The following TULP3 variants were observed in gnomAD, a reference collection of about 807,000 sequenced individuals.
The protein encoded by TULP3 is tubby-related protein 3.
Under a neutral mutation model 50.7 loss-of-function variants are expected in TULP3, and 38 were observed. The ratio of observed to expected loss-of-function variants is 0.75; its 90% confidence interval spans 0.58 to 0.98. The LOEUF (loss-of-function observed/expected upper bound fraction) is 0.98, where lower values mean the gene tolerates loss of function less well. TULP3 is among the 50% of genes least tolerant of loss of function. The pLI is 0.00. For missense variants in TULP3, 550 were observed against 568.0 expected, an observed-to-expected ratio of 0.97 and a Z score of 0.32; for synonymous variants, 183 against 196.6, an observed-to-expected ratio of 0.93 and a Z score of 0.58.
rs2098171381 is a variant in TULP3 at position 2,890,913 on chromosome 12, G to C, written c.-35G>C. On this transcript the variant is annotated 5_prime_UTR_variant, in exon 1 of 11. Transcript: ENST00000448120. ...GCCACTCTAGCGACGGCGGGGAAGA[G>C]TGTGTACGTGGTGGGGGCTTCCTCG... 1.3e-6 allele frequency: 2 copies of C among 1,578,166 alleles called. No individual in the cohort carries two copies. Among genetic ancestry groups the C allele is most frequent in the Non-Finnish European group, 8.6e-7 (1 of 1,162,694 alleles).
chr12:2,903,520 C>CCACTG (rs1306327092), intron 1 of TULP3, among the ~76,000 whole-genome samples: 4 of 151,096 alleles, frequency 2.6e-5, no homozygotes, highest in Admixed American at 1.3e-4. Context: ...CAAGATCACG[C>CCACTG]CACTGCACTG....
chr12:2,899,609 G>A (rs907836420), intron 1 of TULP3, among the ~76,000 whole-genome samples: 8 of 151,158 alleles, frequency 5.3e-5, no homozygotes, highest in Non-Finnish European at 1.2e-4. Context: ...ACTTGGAGGC[G>A]GGGGCCGGGC....
intron 4 of TULP3, among the ~76,000 whole-genome samples, chr12:2,924,904 G>A (rs1362564640): frequency 1.3e-5 from 2 of 151,988 alleles, no homozygotes; most frequent in Non-Finnish European, 2.9e-5. Flanking sequence ...AGGGCTGGGC[G>A]CTATGGCTTA....
chr12:2,911,306 A>G (rs976806215), intron 2 of TULP3, among the ~76,000 whole-genome samples: 3 of 151,888 alleles, frequency 2.0e-5, no homozygotes, highest in African/African-American at 7.2e-5. Context: ...TCAGTTCTTT[A>G]TCAGTGGCTA....
intron 2 of TULP3, among the ~76,000 whole-genome samples, chr12:2,915,840 G>T (rs766200436): frequency 6.6e-6 from 1 of 151,626 alleles, no homozygotes; most frequent in Non-Finnish European, 1.5e-5. Context: ...CACCGTGCCC[G>T]GCCGAGATTT....
intron 2 of TULP3, among the ~76,000 whole-genome samples, chr12:2,920,516 GAAAA>G (rs992653397): frequency 6.8e-6 from 1 of 146,412 alleles, no homozygotes; most frequent in East Asian, 2.0e-4. Context: ...TCAAAAAAAA[GAAAA>G]AAAAAAGCAT....
intron 1 of TULP3, among the ~76,000 whole-genome samples, chr12:2,898,195 T>A (rs1056868309): frequency 1.3e-5 from 2 of 152,122 alleles, no homozygotes; most frequent in East Asian, 3.8e-4. Flanking sequence ...GTCCTCACTT[T>A]GTAAATTAGG....
At chr12:2,904,772 C>G (rs1028835497) in intron 1 of TULP3, among the ~76,000 whole-genome samples, 8 of 151,964 alleles carry the variant, frequency 5.3e-5, no homozygotes, top group Non-Finnish European at 1.2e-4. Flanking sequence ...GTTAGGCTTA[C>G]TATTCAATAA....
At chr12:2,909,778 T>C (rs2098184404) in intron 2 of TULP3, among the ~76,000 whole-genome samples, 198 bp downstream of exon 2, 1 of 152,172 alleles carries the variant, frequency 6.6e-6, no homozygotes, top group African/African-American at 2.4e-5. Flanking sequence ...CAAAGTGCTT[T>C]GAGGATGTCA....
chr12:2,915,015 G>T (rs539019401), intron 2 of TULP3, among the ~76,000 whole-genome samples: 1 of 151,826 alleles, frequency 6.6e-6, no homozygotes, highest in Non-Finnish European at 1.5e-5. Context: ...TGAGACAAGA[G>T]TGTAGCCCTG....
At chr12:2,935,808 A>C (rs1405476597) in intron 8 of TULP3, among the ~76,000 whole-genome samples, 1 of 151,864 alleles carries the variant, frequency 6.6e-6, no homozygotes, top group Non-Finnish European at 1.5e-5. Context: ...ATCTCTACTA[A>C]AAATACAAAA....
intron 4 of TULP3, among the ~76,000 whole-genome samples, chr12:2,922,723 C>A (rs965702443): frequency 1.3e-5 from 2 of 152,094 alleles, no homozygotes; most frequent in Non-Finnish European, 2.9e-5. Context: ...GTCACTCAAC[C>A]CCTCTACTCC....
At chr12:2,921,839 T>C (rs1398284729) in intron 3 of TULP3, among the ~76,000 whole-genome samples, 1 of 152,120 alleles carries the variant, frequency 6.6e-6, no homozygotes, top group Non-Finnish European at 1.5e-5. Flanking sequence ...ATCCCAGCAC[T>C]TTGGGAGGCC....
chr12:2,940,584 A>G lies in TULP3; in HGVS notation c.*1140A>G. On this transcript the variant is annotated 3_prime_UTR_variant, in exon 11 of 11. Transcript: ENST00000448120. ...CTCTGTGAGCTCCACCGTCAGCACC[A>G]TTCAGCTGCATCCCTTGTGCACAGA... is the stretch of plus-strand genomic sequence containing the variant. 1 of 1,551,720 alleles carries G rather than the reference A, an allele frequency of 6.4e-7. No homozygotes were observed. The highest frequency in any genetic ancestry group is 8.7e-7 in the Non-Finnish European group (1 of 1,146,994).
chr12:2,938,050 C>A, intron 9 of TULP3, 64 bp from the exon 10 acceptor site: 1 of 1,566,620 alleles, frequency 6.4e-7, no homozygotes. Context: ...TATTCTCCTA[C>A]TCTACCTTCT....
At chr12:2,899,337 C>T (rs2098177443) in intron 1 of TULP3, among the ~76,000 whole-genome samples, 1 of 119,182 alleles carries the variant, frequency 8.4e-6, no homozygotes, top group African/African-American at 3.4e-5. Context: ...AAGAGCGAAA[C>T]GACGTCTCAA....
intron 2 of TULP3, among the ~76,000 whole-genome samples, chr12:2,911,023 A>G (rs1393615747): frequency 1.3e-5 from 2 of 151,926 alleles, no homozygotes; most frequent in African/African-American, 4.8e-5. Flanking sequence ...GATAAAATCT[A>G]TGGTTCATCT....
intron 2 of TULP3, among the ~76,000 whole-genome samples, chr12:2,913,217 GTGTGTA>G (rs1427332049): frequency 6.0e-5 from 9 of 148,886 alleles, no homozygotes; most frequent in East Asian, 2.0e-4. Flanking sequence ...GTGTGTGTGT[GTGTGTA>G]TGTGTGTGTG....
chr12:2,930,333 C>T lies in TULP3; in HGVS notation c.480C>T (p.Ser160=), dbSNP rs1377610659. Residue 160 remains serine (S), a synonymous_variant, in exon 5 of 11, where the codon AGC becomes AGT. Coordinates refer to ENST00000448120, the MANE Select transcript of TULP3 (RefSeq NM_003324.5). ...TAGAAAGACCCAATTCTGCATCAAG[C>T]CAGAATTCAACCGTATGTAGTTCTG... ...ACLERPNSAS[S]QNSTDTGTSG... 3.7e-6 allele frequency: 6 copies of T among 1,610,244 alleles called. No homozygotes were observed. Among genetic ancestry groups the T allele is most frequent in the Non-Finnish European group, 5.1e-6 (6 of 1,177,490 alleles).
Sources: allele counts gnomAD v4.1 joint callset (sites outside exome capture counted in the v4.1 genomes callset), GRCh38; gene constraint gnomAD v4.1.1; transcripts MANE v1.5; gene names NCBI Gene and HGNC (gene_info 2026-07-23, HGNC 2026-07-21).